Variants in NLGN1 observed in about 807,000 individuals in gnomAD.
NLGN1 encodes the protein neuroligin-1.
In NLGN1, 12 loss-of-function variants were observed where a neutral mutation model predicts 65.5. The ratio of observed to expected loss-of-function variants is 0.18; its 90% CI spans 0.12 to 0.30. The LOEUF (loss-of-function observed/expected upper bound fraction) is 0.30, where lower values mean the gene tolerates loss of function less well. Ranked by LOEUF, NLGN1 falls within the 10% of genes least tolerant of loss-of-function variation. The pLI is 1.00. For missense variants in NLGN1, 750 were observed against 1,007.1 expected (o/e 0.74, Z 3.46); for synonymous variants, 350 against 359.5 (o/e 0.97, Z 0.30).
intron 2 of NLGN1, among the ~76,000 whole-genome samples, chr3:173,481,255 A>G (rs1243070203): frequency 1.3e-5 from 2 of 152,016 alleles, no homozygotes; most frequent in Non-Finnish European, 2.9e-5. Context: ...TAACAACTAA[A>G]CAAATATTTA....
At chr3:173,939,390 G>A (rs776914491) in intron 4 of NLGN1, among the ~76,000 whole-genome samples, 5 of 152,066 alleles carry the variant, frequency 3.3e-5, no homozygotes, top group South Asian at 4.1e-4. Context: ...CATTTATCTC[G>A]TGGGTTAAAA....
At chr3:173,506,267 A>T (rs1316806189) in intron 2 of NLGN1, among the ~76,000 whole-genome samples, 1 of 152,058 alleles carries the variant, frequency 6.6e-6, no homozygotes, top group Admixed American at 6.6e-5. Flanking sequence ...ATATCTAGGA[A>T]ATGTCTTCCT....
chr3:173,915,473 A>G (rs1740543763), intron 4 of NLGN1, among the ~76,000 whole-genome samples: 2 of 152,198 alleles, frequency 1.3e-5, no homozygotes, highest in South Asian at 4.1e-4. Flanking sequence ...GCTCTTGAAT[A>G]ATATCCAATT....
At chr3:173,746,863 C>G (rs528471867) in intron 3 of NLGN1, among the ~76,000 whole-genome samples, 1 of 151,662 alleles carries the variant, frequency 6.6e-6, no homozygotes, top group Non-Finnish European at 1.5e-5. Context: ...GGTAACATAA[C>G]AAGATCTTCT....
chr3:173,605,931 TTGATCTC>T (rs1486906237), intron 3 of NLGN1, among the ~76,000 whole-genome samples: 12 of 152,206 alleles, frequency 7.9e-5, no homozygotes, highest in Non-Finnish European at 8.8e-5. Context: ...ACTGGTAACT[TTGATCTC>T]TGAACTCTTT....
intron 5 of NLGN1, 72 bp downstream of exon 5, chr3:174,275,599 T>G: frequency 2.4e-6 from 2 of 850,146 alleles, no homozygotes; most frequent in Non-Finnish European, 3.9e-6. Context: ...TATGTGATGC[T>G]CTGTATATTT....
In NLGN1 at chr3:173,846,169, T is replaced by C. The variant is rs138542186; in HGVS notation, c.646+38337T>C. On this transcript the variant is annotated intron_variant, in intron 4 of 6. Transcript: ENST00000457714. ...TAATTCCTAAAACATGGTAGATTAA[T>C]TTTAAATATTAATATAAATGAATGA... is the stretch of plus-strand genomic sequence containing the variant. 3.7e-3 allele frequency among the ~76,000 whole-genome samples: 557 copies of C among 152,314 alleles called. 3 individuals are homozygous for C. Among genetic ancestry groups the C allele is most frequent in the Non-Finnish European group, 5.4e-3 (364 of 68,028 alleles).
chr3:173,440,020 A>C (rs1170393352), intron 2 of NLGN1, among the ~76,000 whole-genome samples: 2 of 152,128 alleles, frequency 1.3e-5, no homozygotes, highest in Non-Finnish European at 2.9e-5. Flanking sequence ...AATTAGAGTC[A>C]ATTCTCTCTC....
At chr3:173,920,325 A>C (rs887976243) in intron 4 of NLGN1, among the ~76,000 whole-genome samples, 1 of 152,128 alleles carries the variant, frequency 6.6e-6, no homozygotes, top group African/African-American at 2.4e-5. Context: ...ACAAATGTAA[A>C]CGTTATATTG....
At chr3:173,739,164 C>G (rs1774230871) in intron 3 of NLGN1, among the ~76,000 whole-genome samples, 1 of 151,892 alleles carries the variant, frequency 6.6e-6, no homozygotes, top group African/African-American at 2.4e-5. Context: ...TCAAACAGTT[C>G]AGTTTAGCTA....
intron 4 of NLGN1, among the ~76,000 whole-genome samples, chr3:174,172,832 T>C (rs1728790428): frequency 6.6e-6 from 1 of 152,084 alleles, no homozygotes; most frequent in African/African-American, 2.4e-5. Flanking sequence ...ATTGTATAAC[T>C]GTTTTTTCTA....
At chr3:173,561,022 ATTGT>A (rs1162782529) in intron 2 of NLGN1, among the ~76,000 whole-genome samples, 2 of 152,126 alleles carry the variant, frequency 1.3e-5, no homozygotes, top group Admixed American at 1.3e-4. Flanking sequence ...CGGGGTTTGT[ATTGT>A]TTGTTTGTTT....
chr3:174,245,978 C>T (rs1743707772), intron 4 of NLGN1, among the ~76,000 whole-genome samples: 1 of 152,150 alleles, frequency 6.6e-6, no homozygotes, highest in Non-Finnish European at 1.5e-5. Flanking sequence ...CAATTTGATT[C>T]AATGTACGTT....
At chr3:173,728,459 T>C (rs997608555) in intron 3 of NLGN1, among the ~76,000 whole-genome samples, 2 of 152,108 alleles carry the variant, frequency 1.3e-5, no homozygotes, top group Admixed American at 1.3e-4. Flanking sequence ...CTTGTTTTGG[T>C]TAAAGCCACG....
intron 2 of NLGN1, among the ~76,000 whole-genome samples, chr3:173,469,602 A>C (rs1022968109): frequency 6.6e-6 from 1 of 152,098 alleles, no homozygotes; most frequent in African/African-American, 2.4e-5. Flanking sequence ...AAGCAGAGTT[A>C]AGTCCTCAGA....
intron 2 of NLGN1, among the ~76,000 whole-genome samples, chr3:173,595,850 T>C (rs1324708651): frequency 6.6e-6 from 1 of 152,194 alleles, no homozygotes; most frequent in African/African-American, 2.4e-5. Context: ...TCAGATCTCA[T>C]AAGACTTATT....
intron 3 of NLGN1, among the ~76,000 whole-genome samples, chr3:173,797,054 C>T (rs368523737): frequency 7.9e-5 from 12 of 152,080 alleles, no homozygotes; most frequent in African/African-American, 2.9e-4. Flanking sequence ...GAGCTCTAGG[C>T]AGAGGTGGTG....
At chr3:173,423,546 A>G (rs951690609) in intron 1 of NLGN1, among the ~76,000 whole-genome samples, 6 of 152,160 alleles carry the variant, frequency 3.9e-5, no homozygotes, top group African/African-American at 1.4e-4. Context: ...TGACCAAAAA[A>G]AAAGGGGACA....
At chr3:173,945,649 T>C (rs1747003011) in intron 4 of NLGN1, among the ~76,000 whole-genome samples, 1 of 152,220 alleles carries the variant, frequency 6.6e-6, no homozygotes, top group Admixed American at 6.5e-5. Flanking sequence ...GAATCCAGAA[T>C]GTCTACTCTT....
Sources: gnomAD v4.1 joint callset for allele counts (sites outside exome capture counted in the v4.1 genomes callset) on GRCh38, gnomAD v4.1.1 for gene constraint, MANE v1.5 for transcripts, NCBI Gene and HGNC (gene_info 2026-07-23, HGNC 2026-07-21) for gene names.